ZFYVE1: variants seen among roughly 807,000 people sequenced by gnomAD.
The protein encoded by ZFYVE1 is zinc finger FYVE domain-containing protein 1.
Under a neutral mutation model 74.4 loss-of-function variants are expected in ZFYVE1, and 30 were observed. The observed-to-expected ratio is 0.40, with a 90% confidence interval of 0.30 to 0.55. ZFYVE1 has a LOEUF of 0.55. Ranked by LOEUF, ZFYVE1 falls within the 20% of genes least tolerant of loss-of-function variation. ZFYVE1 has a pLI of 0.42. For missense variants in ZFYVE1, 703 were observed against 1,011.6 expected (o/e 0.69, Z 4.14); for synonymous variants, 335 against 385.1 (o/e 0.87, Z 1.52).
intron 2 of ZFYVE1, among the ~76,000 whole-genome samples, chr14:73,020,060 TC>T (rs1894284692): frequency 6.6e-6 from 1 of 151,986 alleles, no homozygotes. Context: ...ATCAAGACCA[TC>T]CTGGTCAATA....
intron 2 of ZFYVE1, among the ~76,000 whole-genome samples, chr14:73,000,034 G>A (rs773102749): frequency 1.3e-5 from 2 of 152,090 alleles, no homozygotes; most frequent in Non-Finnish European, 2.9e-5. Context: ...ACTCCAGTCT[G>A]GGTGACAGAA....
Position 72,970,584 on chromosome 14 carries a change from T to C in ZFYVE1, c.*298A>G. 2.7e-6 allele frequency: 1 copy of C among 369,774 alleles called. No homozygotes were observed. Among genetic ancestry groups the C allele is most frequent in the Non-Finnish European group, 5.0e-6 (1 of 201,754 alleles). The allele number at this position is 369,774 out of a possible 1,614,324, so 22.9% of individuals were successfully genotyped here. On this transcript the variant is annotated 3_prime_UTR_variant, in exon 12 of 12. Transcript: ENST00000556143. ...AGCCTCGATACGCCCCGAGTGCCTT[T>C]CATATGTATATATGAGAGAGAGATA...
intron 3 of ZFYVE1, among the ~76,000 whole-genome samples, chr14:72,996,672 C>T (rs544437002): frequency 7.2e-5 from 11 of 152,252 alleles, no homozygotes; most frequent in Middle Eastern, 3.4e-3. Flanking sequence ...GCTCAAATGT[C>T]GCCTCTTCTT....
At chr14:72,978,815 G>A in intron 6 of ZFYVE1, 46 bp downstream of exon 6, 2 of 1,548,548 alleles carry the variant, frequency 1.3e-6, no homozygotes, top group Non-Finnish European at 1.8e-6. Context: ...AGAGAGAGTG[G>A]TCAGCAAGCC....
chr14:73,013,132 G>A (rs1057054084), intron 2 of ZFYVE1, among the ~76,000 whole-genome samples: 1 of 152,066 alleles, frequency 6.6e-6, no homozygotes, highest in African/African-American at 2.4e-5. Context: ...AATCAGGAAG[G>A]GACCGAAAAT....
chr14:73,002,177 G>C (rs7149207), intron 2 of ZFYVE1, among the ~76,000 whole-genome samples: 3 of 152,186 alleles, frequency 2.0e-5, no homozygotes, highest in South Asian at 4.1e-4. Context: ...ACAATCAAAA[G>C]ACCACATAGT....
chr14:73,016,339 G>A (rs752334454), intron 2 of ZFYVE1, among the ~76,000 whole-genome samples: 18 of 152,046 alleles, frequency 1.2e-4, no homozygotes, highest in African/African-American at 3.6e-4. Context: ...GTGAAACCCC[G>A]TCTCTACTAA....
rs568163092 is a variant in ZFYVE1 at position 72,975,477 on chromosome 14, CT to C, written c.1806+73del. 7.6e-4 allele frequency: 1,168 copies of C among 1,531,370 alleles called. 10 individuals carry two copies. The South Asian group carries it at 0.014, about 18-fold the overall frequency. 94.9% of individuals were successfully genotyped at this position (1,531,370 alleles called of 1,614,324 possible). A position where few individuals can be genotyped will look rare whatever the true frequency, so the allele number is the denominator to read the frequency against. ...GTTTGCGTCTCCCTCACAGAACAAG[CT>C]TAGCACAGGGCAAAGCGGCATTAAG... On this transcript the variant is annotated intron_variant, in intron 9 of 11. Transcript: ENST00000556143. The surrounding 1 kb of genome is among the most constrained non-coding windows in gnomAD (Gnocchi z 4.1).
intron 5 of ZFYVE1, 68 bp downstream of exon 5, chr14:72,981,721 A>C: frequency 1.4e-6 from 2 of 1,448,152 alleles, no homozygotes; most frequent in Non-Finnish European, 1.9e-6. Flanking sequence ...ACCAAAGTCT[A>C]GGAAGCACCA....
intron 4 of ZFYVE1, among the ~76,000 whole-genome samples, chr14:72,990,687 G>GA (rs1567352136): frequency 9.8e-6 from 1 of 101,536 alleles, no homozygotes; most frequent in East Asian, 2.8e-4. Flanking sequence ...ACCGCACCTG[G>GA]CCTTTTTTTT....
chr14:72,970,931 T>C lies in ZFYVE1; in HGVS notation c.2285A>G (p.His762Arg). ...GCAGTTGAAGCAGACTCGGACGGGA[T>C]GGTCCCAGCCACGAGAAGGAACAGC... is the stretch of plus-strand genomic sequence containing the variant. ...RRAVPSRGWD[H>R]PVRVCFNCNK... Residue 762 changes from histidine to arginine, a missense_variant, in exon 12 of 12, where the codon CAT (histidine) becomes CGT (arginine). Physicochemically the swap from His to Arg is conservative, Grantham distance 29 (BLOSUM62 0). Around this residue, in one of 2 missense-constraint regions of ZFYVE1, gnomAD observed 492 missense variants for 790.0 expected, o/e 0.62. Transcript: ENST00000556143. The C allele has an allele frequency of 1.2e-6, 2 of 1,614,214 alleles. No individual in the cohort carries two copies. Among genetic ancestry groups the C allele is most frequent in the East Asian group, 2.2e-5 (1 of 44,874 alleles).
In ZFYVE1 at chr14:73,024,009, T is replaced by C. The variant is rs1202152318; in HGVS notation, c.483+17A>G. 2 of 1,610,528 alleles carry C rather than the reference T, an allele frequency of 1.2e-6. No individual in the cohort carries two copies. Among genetic ancestry groups the C allele is most frequent in the African/African-American group, 2.7e-5 (2 of 74,790 alleles). ...CTGCTCCACTACACATGAATCCCAC[T>C]ATACCCGTGTGCTTACCTGAATTTC... On this transcript the variant is annotated intron_variant, in intron 2 of 11. Coordinates refer to ENST00000556143, the MANE Select transcript of ZFYVE1 (RefSeq NM_021260.4).
intron 2 of ZFYVE1, among the ~76,000 whole-genome samples, chr14:73,002,128 C>T (rs962923176): frequency 3.3e-5 from 5 of 152,110 alleles, no homozygotes; most frequent in Non-Finnish European, 7.4e-5. Flanking sequence ...CATGCTACAA[C>T]ACAGATAACC....
intron 2 of ZFYVE1, among the ~76,000 whole-genome samples, chr14:73,015,298 A>AGGGAGGG (rs1567362954): frequency 2.9e-4 from 21 of 71,906 alleles, no homozygotes; most frequent in Admixed American, 4.9e-4. Context: ...GGAAGGAAAG[A>AGGGAGGG]AGGGAGGGAG....
intron 8 of ZFYVE1, among the ~76,000 whole-genome samples, chr14:72,977,338 G>A (rs961401997): frequency 7.2e-5 from 11 of 152,052 alleles, no homozygotes; most frequent in Admixed American, 7.2e-4. Flanking sequence ...CCCGGGAGGT[G>A]GAGATTGCAG....
chr14:73,012,534 A>T (rs1567361830), intron 2 of ZFYVE1, among the ~76,000 whole-genome samples: 1 of 152,120 alleles, frequency 6.6e-6, no homozygotes, highest in Non-Finnish European at 1.5e-5. Context: ...AGACAGGAGA[A>T]TTGCTTGAAC....
intron 5 of ZFYVE1, among the ~76,000 whole-genome samples, chr14:72,980,285 T>C (rs1893286717): frequency 6.6e-6 from 1 of 152,204 alleles, no homozygotes; most frequent in Non-Finnish European, 1.5e-5. Context: ...TCAGGTCTAC[T>C]CCTGTAAAAG....
rs528626634 is a variant in ZFYVE1 at position 72,994,530 on chromosome 14, A to G, written c.989-1173T>C. Among the ~76,000 whole-genome samples the G allele has an allele frequency of 9.2e-5, 14 of 152,182 alleles. 1 individual carries two copies. The Middle Eastern group carries it at 0.02, about 222-fold the overall frequency. On this transcript the variant is annotated intron_variant, in intron 3 of 11. Transcript: ENST00000556143. ...CATTCAGGCAGTGAAAACTCATCAC[A>G]TGATACCTTGATATGATACGCACTG...
intron 5 of ZFYVE1, chr14:72,979,271 G>A (rs1468997649): frequency 9.8e-6 from 3 of 305,410 alleles, no homozygotes; most frequent in Non-Finnish European, 1.9e-5. Context: ...AGGCCGACGG[G>A]GGCAGATCAC....
Sources: allele counts gnomAD v4.1 joint callset (sites outside exome capture counted in the v4.1 genomes callset), GRCh38; gene constraint gnomAD v4.1.1; regional missense constraint gnomAD v4.1.1; non-coding constraint Gnocchi (gnomAD v3.1); transcripts MANE v1.5; gene names NCBI Gene and HGNC (gene_info 2026-07-23, HGNC 2026-07-21).